Variants in ZNF385D observed in about 807,000 individuals in gnomAD.
ZNF385D encodes zinc finger protein 385D.
A neutral mutation model predicts 35.8 loss-of-function variants in ZNF385D; 15 were observed. The observed-to-expected ratio is 0.42, with a 90% CI of 0.28 to 0.64. The LOEUF (loss-of-function observed/expected upper bound fraction) is 0.64, where lower values mean the gene tolerates loss of function less well. Ranked by LOEUF, ZNF385D falls within the 30% of genes least tolerant of loss-of-function variation. The pLI, the probability that ZNF385D is intolerant of heterozygous loss-of-function variation, is 0.23. For missense variants in ZNF385D, 474 were observed against 494.6 expected, an observed-to-expected ratio of 0.96 and a Z score of 0.39; for synonymous variants, 212 against 186.8, an observed-to-expected ratio of 1.13 and a Z score of -1.10.
At chr3:21,950,636 A>G (rs1186913669) in intron 3 of ZNF385D, among the ~76,000 whole-genome samples, 1 of 151,590 alleles carries the variant, frequency 6.6e-6, no homozygotes, top group Non-Finnish European at 1.5e-5. Flanking sequence ...CCATGTCCTA[A>G]ATGGTATTGC....
At chr3:22,281,038 T>C (rs1251275116) in intron 2 of ZNF385D, among the ~76,000 whole-genome samples, 1 of 152,078 alleles carries the variant, frequency 6.6e-6, no homozygotes, top group Non-Finnish European at 1.5e-5. Flanking sequence ...GATTCTCAGC[T>C]TGGTCACGGT....
intron 3 of ZNF385D, among the ~76,000 whole-genome samples, chr3:21,908,144 A>G (rs1314835482): frequency 6.7e-6 from 1 of 150,092 alleles, no homozygotes; most frequent in Non-Finnish European, 1.5e-5. Context: ...CTATCTATCT[A>G]TCTATCTATC....
chr3:22,202,424 T>C (rs532734465), intron 2 of ZNF385D, among the ~76,000 whole-genome samples: 1 of 152,052 alleles, frequency 6.6e-6, no homozygotes, highest in Non-Finnish European at 1.5e-5. Context: ...TACAGGGAAG[T>C]GTGCCTGGGG....
intron 2 of ZNF385D, among the ~76,000 whole-genome samples, chr3:22,330,571 G>A (rs1479810193): frequency 6.6e-6 from 1 of 152,080 alleles, no homozygotes; most frequent in Non-Finnish European, 1.5e-5. Flanking sequence ...GCCCCCGTCT[G>A]CTGTGATATG....
chr3:22,305,628 T>C (rs914208383), intron 2 of ZNF385D, among the ~76,000 whole-genome samples: 6 of 152,140 alleles, frequency 3.9e-5, no homozygotes, highest in Non-Finnish European at 5.9e-5. Flanking sequence ...TCTTAAGAAC[T>C]TGTGCCCAGA....
intron 3 of ZNF385D, among the ~76,000 whole-genome samples, chr3:22,044,212 G>A (rs1190163734): frequency 6.6e-6 from 1 of 151,988 alleles, no homozygotes; most frequent in African/African-American, 2.4e-5. Flanking sequence ...CACCAGTGAG[G>A]GGTGATGGTT....
chr3:21,639,934 A>G (rs912117678), intron 2 of ZNF385D, among the ~76,000 whole-genome samples: 9 of 152,072 alleles, frequency 5.9e-5, no homozygotes, highest in Admixed American at 5.2e-4. Flanking sequence ...GTTTTATTAT[A>G]TAAGAAACAA....
chr3:22,027,654 T>C (rs1697644157), intron 3 of ZNF385D, among the ~76,000 whole-genome samples: 1 of 152,178 alleles, frequency 6.6e-6, no homozygotes, highest in Non-Finnish European at 1.5e-5. Flanking sequence ...CTTTCTGACC[T>C]GTCTAGCCAT....
intron 2 of ZNF385D, among the ~76,000 whole-genome samples, chr3:22,188,096 G>A (rs1576466835): frequency 6.6e-6 from 1 of 152,242 alleles, no homozygotes; most frequent in African/African-American, 2.4e-5. Context: ...GAGGAAAGAT[G>A]GGAAAGGAAG....
chr3:21,510,742 G>A (rs1356033974), intron 4 of ZNF385D, 119 bp downstream of exon 4: 1 of 1,290,856 alleles, frequency 7.7e-7, no homozygotes, highest in Non-Finnish European at 1.1e-6. Flanking sequence ...TATACAGAAA[G>A]ATGGCTCAAG....
chr3:21,929,874 C>A (rs1329747892), intron 3 of ZNF385D, among the ~76,000 whole-genome samples: 1 of 151,978 alleles, frequency 6.6e-6, no homozygotes, highest in Non-Finnish European at 1.5e-5. Context: ...GCAATACTAT[C>A]CCAAATTGAT....
At chr3:21,842,361 G>A (rs1399028227) in intron 3 of ZNF385D, among the ~76,000 whole-genome samples, 1 of 151,906 alleles carries the variant, frequency 6.6e-6, no homozygotes, top group Non-Finnish European at 1.5e-5. Context: ...AATGAATTTT[G>A]GCCTGAGATT....
chr3:21,849,229 A>G (rs1394329138), intron 3 of ZNF385D, among the ~76,000 whole-genome samples: 1 of 152,074 alleles, frequency 6.6e-6, no homozygotes, highest in African/African-American at 2.4e-5. Flanking sequence ...TTTTCTTCAT[A>G]TGTAACTCTA....
chr3:22,028,927 T>C (rs958572576), intron 3 of ZNF385D, among the ~76,000 whole-genome samples: 1 of 152,132 alleles, frequency 6.6e-6, no homozygotes, highest in Non-Finnish European at 1.5e-5. Context: ...TGAATCAGCA[T>C]ACAATATATG....
intron 3 of ZNF385D, among the ~76,000 whole-genome samples, chr3:21,553,511 G>A (rs2062632761): frequency 6.6e-6 from 1 of 152,190 alleles, no homozygotes; most frequent in African/African-American, 2.4e-5. Flanking sequence ...CCTCAGTGTA[G>A]ATAGCTATTG....
intron 2 of ZNF385D, among the ~76,000 whole-genome samples, chr3:21,621,842 G>A (rs2125815718): frequency 6.9e-6 from 1 of 145,434 alleles, no homozygotes; most frequent in Non-Finnish European, 1.5e-5. Context: ...TTAATTTGAA[G>A]TGTTCCTTCC....
intron 2 of ZNF385D, among the ~76,000 whole-genome samples, chr3:21,626,209 GT>G (rs2065130089): frequency 6.6e-6 from 1 of 152,024 alleles, no homozygotes; most frequent in Non-Finnish European, 1.5e-5. Flanking sequence ...AGAGGCAGAG[GT>G]TGTAGAACAA....
chr3:21,819,350 T>A (rs1034039385), intron 3 of ZNF385D, among the ~76,000 whole-genome samples: 1 of 151,594 alleles, frequency 6.6e-6, no homozygotes, highest in Non-Finnish European at 1.5e-5. Flanking sequence ...AGAATAGTTA[T>A]ATGCTCTTTG....
At chr3:21,694,301 C>T (rs2067395147) in intron 1 of ZNF385D, among the ~76,000 whole-genome samples, 1 of 151,960 alleles carries the variant, frequency 6.6e-6, no homozygotes, top group African/African-American at 2.4e-5. Context: ...TCCCAAAGTG[C>T]TGGGATTACA....
Sources: allele counts gnomAD v4.1 joint callset (sites outside exome capture counted in the v4.1 genomes callset), GRCh38; gene constraint gnomAD v4.1.1; transcripts MANE v1.5; gene names NCBI Gene and HGNC (gene_info 2026-07-23, HGNC 2026-07-21).